KAT2B: variants seen among roughly 807,000 people sequenced by gnomAD.
KAT2B encodes lysine acetyltransferase 2B.
In KAT2B, 36 loss-of-function variants were observed where a neutral mutation model predicts 105.9. The ratio of observed to expected loss-of-function variants is 0.34; its 90% CI spans 0.26 to 0.45. The LOEUF is 0.45. KAT2B is among the 20% of genes least tolerant of loss of function. KAT2B has a pLI of 1.00. For missense variants in KAT2B, 820 were observed against 1,021.6 expected (o/e 0.80, Z 2.69); for synonymous variants, 397 against 377.9 (o/e 1.05, Z -0.59).
At chr3:20,114,221 T>C (rs1174292098) in intron 6 of KAT2B, among the ~76,000 whole-genome samples, 4 of 152,210 alleles carry the variant, frequency 2.6e-5, no homozygotes, top group African/African-American at 9.6e-5. Flanking sequence ...GCATAGTAAT[T>C]AATCACTGGT....
At chr3:20,110,491 T>C (rs1360613078) in intron 5 of KAT2B, among the ~76,000 whole-genome samples, 2 of 151,528 alleles carry the variant, frequency 1.3e-5, no homozygotes, top group African/African-American at 4.8e-5. Flanking sequence ...GGCAACATAG[T>C]GAAACCCCGT....
chr3:20,068,514 C>T (rs1372038418), intron 1 of KAT2B, among the ~76,000 whole-genome samples: 1 of 151,672 alleles, frequency 6.6e-6, no homozygotes, highest in African/African-American at 2.4e-5. Context: ...CCACCCTCTG[C>T]TAAGTTCCCT....
At chr3:20,125,641 C>A (rs1451053540) in intron 9 of KAT2B, among the ~76,000 whole-genome samples, 1 of 152,138 alleles carries the variant, frequency 6.6e-6, no homozygotes. Context: ...CTTTGCTGGC[C>A]CCTAATCTAC....
intron 1 of KAT2B, among the ~76,000 whole-genome samples, chr3:20,058,767 G>A (rs1388000861): frequency 1.3e-5 from 2 of 152,142 alleles, no homozygotes; most frequent in Non-Finnish European, 2.9e-5. Context: ...GTGTCCCAGG[G>A]AAGGATTACT....
At chr3:20,067,989 T>A (rs1442570834) in intron 1 of KAT2B, among the ~76,000 whole-genome samples, 1 of 148,642 alleles carries the variant, frequency 6.7e-6, no homozygotes, top group Non-Finnish European at 1.5e-5. Flanking sequence ...ATTTCTTTTT[T>A]CTTTCTTTCT....
chr3:20,052,000 C>T (rs1238991604), intron 1 of KAT2B, among the ~76,000 whole-genome samples: 1 of 152,166 alleles, frequency 6.6e-6, no homozygotes, highest in Non-Finnish European at 1.5e-5. Flanking sequence ...AATTTATCAC[C>T]TAGTTATAAT....
At chr3:20,098,637 A>T (rs11715447) in intron 3 of KAT2B, among the ~76,000 whole-genome samples, 1 of 152,178 alleles carries the variant, frequency 6.6e-6, no homozygotes, top group Non-Finnish European at 1.5e-5. Context: ...AAATGGGCCA[A>T]GTTCCTAAAT....
At chr3:20,128,649 T>G (rs1449740778) in intron 11 of KAT2B, among the ~76,000 whole-genome samples, 1 of 152,186 alleles carries the variant, frequency 6.6e-6, no homozygotes, top group Non-Finnish European at 1.5e-5. Flanking sequence ...AGCTCTCATC[T>G]ATACCTTGTC....
At chr3:20,086,873 C>T (rs953542760) in intron 2 of KAT2B, among the ~76,000 whole-genome samples, 1 of 151,720 alleles carries the variant, frequency 6.6e-6, no homozygotes, top group African/African-American at 2.4e-5. Flanking sequence ...CCTCCACCTC[C>T]TGGATTCAAG....
intron 8 of KAT2B, among the ~76,000 whole-genome samples, chr3:20,122,166 A>G (rs2125174927): frequency 6.6e-6 from 1 of 152,290 alleles, no homozygotes; most frequent in East Asian, 1.9e-4. Context: ...TATCCATACA[A>G]CATGATCTGT....
chr3:20,140,257 T>C lies in KAT2B; in HGVS notation c.1897T>C (p.Tyr633His), dbSNP rs1023674060. 5.6e-6 allele frequency: 9 copies of C among 1,611,254 alleles called. No individual in the cohort carries two copies. In the Admixed American group the frequency reaches 6.7e-5, roughly 12 times the overall value. The stretch of plus-strand genomic sequence containing the variant: ...AGAAATTAAAATACCTAAAACCAAA[T>C]ATGTTGGCTATATCAAGGATTATGA... ...SKEIKIPKTK[Y>H]VGYIKDYEGA... is the part of the protein sequence containing the mutation. The change falls in exon 13 of 18, where the codon TAT becomes CAT. Residue 633 changes from tyrosine to histidine, a missense_variant. By Grantham distance (83) the Tyr-to-His change is moderately conservative. Coordinates refer to ENST00000263754, the MANE Select transcript of KAT2B (RefSeq NM_003884.5).
intron 1 of KAT2B, among the ~76,000 whole-genome samples, chr3:20,058,080 A>G (rs1698031005): frequency 1.3e-5 from 2 of 151,700 alleles, no homozygotes; most frequent in Non-Finnish European, 2.9e-5. Flanking sequence ...TATGCTTTCC[A>G]CTCTCTTTCT....
At chr3:20,041,130 GGC>G (rs1228223337) in intron 1 of KAT2B, among the ~76,000 whole-genome samples, 1 of 152,104 alleles carries the variant, frequency 6.6e-6, no homozygotes, top group Non-Finnish European at 1.5e-5. Flanking sequence ...CTCTCCATGT[GGC>G]GGGTGACCCA....
chr3:20,094,346 G>C (rs957116021), intron 2 of KAT2B, among the ~76,000 whole-genome samples: 3 of 152,072 alleles, frequency 2.0e-5, no homozygotes, highest in Non-Finnish European at 4.4e-5. Flanking sequence ...ACAGCATGGG[G>C]GAAACTGCCT....
At position 20,136,841 on chromosome 3, in the gene KAT2B, TA is replaced by T. The variant is rs1699607559; in HGVS notation, c.1750-97del. 8.7e-6 allele frequency: 5 copies of T among 574,300 alleles called. No individual in the cohort carries two copies. The South Asian group carries it at 1.4e-4, about 16-fold the overall frequency. The allele number at this position is 574,300 out of a possible 1,614,324, so 35.6% of individuals were successfully genotyped here. ...GAAAGGTCCTGGTTGGTAAAATATG[TA>T]AAAGTACAAACTTCTGAATTCACCA... On this transcript the variant is annotated intron_variant, in intron 11 of 17. Coordinates refer to ENST00000263754, the MANE Select transcript of KAT2B (RefSeq NM_003884.5).
rs144665869 is a variant in KAT2B at position 20,113,164 on chromosome 3, G to C, written c.1043+1377G>C. Among the ~76,000 whole-genome samples, 1,493 of 152,260 alleles carry C rather than the reference G, an allele frequency of 9.8e-3. 14 individuals are homozygous for C. Among genetic ancestry groups the C allele is most frequent in the Middle Eastern group, 0.031 (9 of 294 alleles). On this transcript the variant is annotated intron_variant, in intron 6 of 17. Coordinates refer to ENST00000263754, the MANE Select transcript of KAT2B (RefSeq NM_003884.5). ...CAGTTTGGATGTTGCTCCCAAAATGGGTTATGAAATTAGGGCACACTCATG... is the reference window on the plus strand; with the variant it reads ...CAGTTTGGATGTTGCTCCCAAAATGCGTTATGAAATTAGGGCACACTCATG...
In KAT2B at chr3:20,100,659, C is replaced by G. The variant is rs148400162; in HGVS notation, c.670-628C>G. On this transcript the variant is annotated intron_variant, in intron 4 of 17. Coordinates refer to ENST00000263754, the MANE Select transcript of KAT2B (RefSeq NM_003884.5). ...GTTTTCAGTAAATTTTATTTTGCCT[C>G]CAAACTCTATTAAATAAGAATTCAT... 1.9e-3 allele frequency among the ~76,000 whole-genome samples: 286 copies of G among 152,146 alleles called. 1 individual carries two copies. The highest frequency in any genetic ancestry group is 6.5e-3 in the African/African-American group (268 of 41,500).
chr3:20,132,622 A>G (rs989768431), intron 11 of KAT2B, among the ~76,000 whole-genome samples: 3 of 152,224 alleles, frequency 2.0e-5, no homozygotes, highest in African/African-American at 7.2e-5. Context: ...CAGTACTTAA[A>G]CTACCATGAC....
chr3:20,141,409 A>G (rs1188121110), intron 13 of KAT2B, among the ~76,000 whole-genome samples: 2 of 151,988 alleles, frequency 1.3e-5, no homozygotes, highest in Non-Finnish European at 2.9e-5. Context: ...AGAACTGGGG[A>G]GTACACAAAG....
Sources: allele counts gnomAD v4.1 joint callset (sites outside exome capture counted in the v4.1 genomes callset), GRCh38; gene constraint gnomAD v4.1.1; transcripts MANE v1.5; gene names NCBI Gene and HGNC (gene_info 2026-07-23, HGNC 2026-07-21).